Variants in NAALADL2 observed in about 807,000 individuals in gnomAD.
NAALADL2 encodes inactive N-acetylated-alpha-linked acidic dipeptidase-like protein 2.
NAALADL2 carries 76 observed loss-of-function variants against 87.2 expected under a neutral mutation model. The ratio of observed to expected loss-of-function variants is 0.87; its 90% CI spans 0.72 to 1.05. NAALADL2 has a LOEUF of 1.05. Among genes scored for constraint, NAALADL2 ranks in the 50% least tolerant of loss-of-function variants. NAALADL2 has a pLI of 0.00. For synonymous variants in NAALADL2, 354 were observed against 331.0 expected (o/e 1.07, Z -0.75); for missense variants, 1,089 against 945.8 (o/e 1.15, Z -1.99).
intron 3 of NAALADL2, among the ~76,000 whole-genome samples, chr3:174,767,502 T>C (rs1160102637): frequency 6.6e-6 from 1 of 152,148 alleles, no homozygotes; most frequent in African/African-American, 2.4e-5. Flanking sequence ...GCTGTAGCAC[T>C]CAAACGTTAT....
At chr3:174,882,152 C>A (rs1316862472) in intron 1 of NAALADL2, among the ~76,000 whole-genome samples, 4 of 151,948 alleles carry the variant, frequency 2.6e-5, no homozygotes, top group Non-Finnish European at 5.9e-5. Context: ...TTTGAATTTT[C>A]CAGCCTTCTA....
At chr3:174,921,134 C>G (rs747802387) in intron 1 of NAALADL2, among the ~76,000 whole-genome samples, 5 of 152,106 alleles carry the variant, frequency 3.3e-5, no homozygotes, top group African/African-American at 4.8e-5. Flanking sequence ...GAAATGAGCA[C>G]ATGCTATTGG....
chr3:175,201,166 C>A (rs1486817647), intron 2 of NAALADL2, among the ~76,000 whole-genome samples: 1 of 152,154 alleles, frequency 6.6e-6, no homozygotes, highest in African/African-American at 2.4e-5. Context: ...GGGACCACAT[C>A]TTCACTCTAT....
chr3:174,737,676 A>G (rs948198225), exon 3 of NAALADL2: 2 of 152,160 alleles, frequency 1.3e-5, no homozygotes, highest in Non-Finnish European at 2.9e-5. Context: ...CTGGATGAAG[A>G]CTGGGTCCAG....
intron 10 of NAALADL2, among the ~76,000 whole-genome samples, chr3:175,606,956 A>T (rs1018215980): frequency 3.3e-5 from 5 of 152,118 alleles, no homozygotes; most frequent in Non-Finnish European, 5.9e-5. Flanking sequence ...GCTTGTATTT[A>T]TTTTTTTGAA....
chr3:175,101,561 A>G (rs1368693920), intron 2 of NAALADL2, among the ~76,000 whole-genome samples: 1 of 152,228 alleles, frequency 6.6e-6, no homozygotes, highest in African/African-American at 2.4e-5. Flanking sequence ...ACACATATAT[A>G]ATTGCTGTTT....
chr3:175,128,815 A>T (rs1002601923), intron 2 of NAALADL2, among the ~76,000 whole-genome samples: 1 of 151,966 alleles, frequency 6.6e-6, no homozygotes, highest in Non-Finnish European at 1.5e-5. Context: ...TTATTTTTAA[A>T]TTTATTAAAT....
In NAALADL2 at chr3:174,777,139, A is replaced by G. The variant is rs7625318; in HGVS notation, c.-9+39393A>G. Among the ~76,000 whole-genome samples, 693 of 152,250 alleles carry G rather than the reference A, an allele frequency of 4.6e-3. 6 individuals carry two copies. The highest frequency in any genetic ancestry group is 0.016 in the African/African-American group (663 of 41,564). Reference sequence around the variant, plus strand: ...CAATTTCCTCCTTGATATTTTGGACACCAGCCCAGAAACCACTGTCTAATC... The same window carrying G: ...CAATTTCCTCCTTGATATTTTGGACGCCAGCCCAGAAACCACTGTCTAATC... On this transcript the variant is annotated intron_variant, in intron 3 of 3. Transcript: ENST00000434257.
At chr3:175,031,067 A>T (rs1752742767) in intron 1 of NAALADL2, among the ~76,000 whole-genome samples, 1 of 152,070 alleles carries the variant, frequency 6.6e-6, no homozygotes, top group African/African-American at 2.4e-5. Context: ...TGATATTATA[A>T]AACTGTTAAA....
intron 13 of NAALADL2, among the ~76,000 whole-genome samples, chr3:175,772,929 A>C (rs1426882565): frequency 6.6e-6 from 1 of 152,144 alleles, no homozygotes; most frequent in African/African-American, 2.4e-5. Flanking sequence ...AAATATCTTC[A>C]ACAATAACTG....
At chr3:175,687,565 A>T (rs954368696) in intron 11 of NAALADL2, among the ~76,000 whole-genome samples, 8 of 152,130 alleles carry the variant, frequency 5.3e-5, no homozygotes, top group African/African-American at 1.9e-4. Flanking sequence ...CAAACAGAAG[A>T]CTCAGAACAC....
chr3:175,755,294 G>C lies in NAALADL2; in HGVS notation c.2065G>C (p.Asp689His). Residue 689 changes from aspartate (D) to histidine (H), a missense_variant, in exon 13 of 14, where the codon GAT becomes CAT. Coordinates refer to ENST00000454872, the MANE Select transcript of NAALADL2 (RefSeq NM_207015.3). The part of the protein sequence containing the change: ...LRESAELFQS[D>H]EMRPANDPKE... ...GGAGAGTGCTGAACTTTTTCAGTCT[G>C]ATGAGATGCGACCTGCTAATGATCC... The C allele has an allele frequency of 6.2e-7, 1 of 1,613,688 alleles. No homozygotes were observed. The highest frequency in any genetic ancestry group is 1.3e-5 in the African/African-American group (1 of 75,024).
At chr3:175,531,157 T>C (rs1386898866) in intron 9 of NAALADL2, among the ~76,000 whole-genome samples, 2 of 152,200 alleles carry the variant, frequency 1.3e-5, no homozygotes, top group East Asian at 1.9e-4. Flanking sequence ...CTTCTCCTGT[T>C]CTGGACCACA....
chr3:174,456,256 A>T (rs1715824019), intron 1 of NAALADL2, among the ~76,000 whole-genome samples: 2 of 152,232 alleles, frequency 1.3e-5, no homozygotes, highest in Non-Finnish European at 2.9e-5. Context: ...GATAGGAAGA[A>T]TCAATGTTGT....
At chr3:175,417,357 T>C (rs1714833610) in intron 5 of NAALADL2, among the ~76,000 whole-genome samples, 1 of 152,008 alleles carries the variant, frequency 6.6e-6, no homozygotes, top group Non-Finnish European at 1.5e-5. Flanking sequence ...ATAATAATCC[T>C]GGAAGAAAAA....
intron 5 of NAALADL2, among the ~76,000 whole-genome samples, chr3:175,358,415 A>AT (rs1764617728): frequency 6.6e-6 from 1 of 151,906 alleles, no homozygotes; most frequent in Non-Finnish European, 1.5e-5. Context: ...AAGCCATTCT[A>AT]TTTTTTTATT....
intron 9 of NAALADL2, among the ~76,000 whole-genome samples, chr3:175,574,424 T>C (rs1718556014): frequency 6.6e-6 from 1 of 152,196 alleles, no homozygotes; most frequent in Admixed American, 6.5e-5. Context: ...AGTAGAGTAC[T>C]GATTGGGTGT....
chr3:175,145,455 T>A (rs1730608666), intron 2 of NAALADL2, among the ~76,000 whole-genome samples: 1 of 152,102 alleles, frequency 6.6e-6, no homozygotes, highest in South Asian at 2.1e-4. Flanking sequence ...ACAGAATTGG[T>A]TTTCTATATT....
At chr3:174,882,769 G>A (rs960000336) in intron 1 of NAALADL2, among the ~76,000 whole-genome samples, 15 of 141,858 alleles carry the variant, frequency 1.1e-4, no homozygotes, top group African/African-American at 2.7e-4. Flanking sequence ...ATATACACAC[G>A]TGTATATATA....
Sources: gnomAD v4.1 joint callset for allele counts (sites outside exome capture counted in the v4.1 genomes callset) on GRCh38, gnomAD v4.1.1 for gene constraint, MANE v1.5 for transcripts, NCBI Gene and HGNC (gene_info 2026-07-23, HGNC 2026-07-21) for gene names.